Variants in SERPINA9 observed in about 807,000 individuals in gnomAD.
The protein encoded by SERPINA9 is serpin A9.
In SERPINA9, 32 loss-of-function variants were observed where a neutral mutation model predicts 24.5. That is an observed-to-expected ratio of 1.30 (90% CI 0.98 to 1.75). The LOEUF (loss-of-function observed/expected upper bound fraction) is 1.75, where lower values mean the gene tolerates loss of function less well. SERPINA9 is among the 40% of genes most tolerant of loss of function. The pLI is 0.00. For missense variants in SERPINA9, 594 were observed against 497.1 expected, an observed-to-expected ratio of 1.19 and a Z score of -1.85; for synonymous variants, 233 against 197.7, an observed-to-expected ratio of 1.18 and a Z score of -1.50.
At chr14:94,470,560 A>C (rs1899262376) in intron 1 of SERPINA9, among the ~76,000 whole-genome samples, 1 of 152,214 alleles carries the variant, frequency 6.6e-6, no homozygotes, top group Admixed American at 6.5e-5. Flanking sequence ...AAACCCCAAC[A>C]GGGCTGGGCT....
Position 94,469,257 on chromosome 14 carries a change from T to C in SERPINA9, c.584A>G (p.Asp195Gly), listed in dbSNP as rs1458366826. The change falls in exon 2 of 5, where the codon GAC becomes GGC. Residue 195 changes from aspartate (D) to glycine (G), a missense_variant. Physicochemically the swap from Asp to Gly is moderately conservative, Grantham distance 94. Coordinates refer to ENST00000674397, the MANE Select transcript of SERPINA9 (RefSeq NM_175739.4). ...GKVVDIIQGL[D>G]LLTAMVLVNH... The stretch of plus-strand genomic sequence containing the variant: ...CACCAGAACCATGGCCGTCAGAAGG[T>C]CAAGGCCTTGGATTATGTCTACAAC... The C allele has an allele frequency of 2.5e-6, 4 of 1,614,088 alleles. No homozygotes were observed. Among genetic ancestry groups the C allele is most frequent in the Non-Finnish European group, 3.4e-6 (4 of 1,180,020 alleles).
In SERPINA9 at chr14:94,469,508, G is replaced by A. The variant is rs375058481; in HGVS notation, c.333C>T (p.His111=). Residue 111 remains histidine, a synonymous_variant, in exon 2 of 5, where the codon CAC becomes CAT. Coordinates refer to ENST00000674397, the MANE Select transcript of SERPINA9 (RefSeq NM_175739.4). ...AGTGAACCAGGTGCTGGAAGCCCTG[G>A]TGGATGGCAGACTCTGGTGTGTGTG... ...NLTHTPESAI[H]QGFQHLVHSL... is the part of the protein sequence containing the mutation. 1.3e-4 allele frequency: 213 copies of A among 1,614,200 alleles called. 3 individuals are homozygous for A. The Middle Eastern group carries it at 1.8e-3, about 14-fold the overall frequency.
At chr14:94,469,014 A>G (rs1419454496) in intron 2 of SERPINA9, among the ~76,000 whole-genome samples, 199 bp downstream of exon 2, 1 of 152,178 alleles carries the variant, frequency 6.6e-6, no homozygotes, top group Non-Finnish European at 1.5e-5. Flanking sequence ...AGAGAACTAA[A>G]TGAGTCCCTA....
intron 1 of SERPINA9, among the ~76,000 whole-genome samples, chr14:94,470,965 C>A (rs770791390): frequency 2.6e-5 from 4 of 152,140 alleles, no homozygotes; most frequent in Admixed American, 6.5e-5. Context: ...GTGTATGAAT[C>A]CAATGCAAGG....
In SERPINA9 at chr14:94,469,627, GGGA is replaced by G. The variant is rs1170367842; in HGVS notation, c.211_213del (p.Ser71del). 1 of 1,614,010 alleles carries G rather than the reference GGGA, an allele frequency of 6.2e-7. No homozygotes were observed. The highest frequency in any genetic ancestry group is 1.7e-5 in the Admixed American group (1 of 59,994). ...GCCAGGGAAGTGGAGACACTCACAGGGGAGAAGAAGATGTTCTGACTCGGGGTC... is the reference window on the plus strand; with the variant it reads ...GCCAGGGAAGTGGAGACACTCACAGGGAAGAAGATGTTCTGACTCGGGGTC... On this transcript the variant is annotated inframe_deletion, in exon 2 of 5. Transcript: ENST00000674397.
At chr14:94,475,921 T>G (rs186266539) in intron 1 of SERPINA9, 1 of 614,076 alleles carries the variant, frequency 1.6e-6, no homozygotes. Context: ...TCTGTGGCCT[T>G]ACCTCCAACT....
At position 94,464,584 on chromosome 14, in the gene SERPINA9, C is replaced by T. The variant is rs567752857; in HGVS notation, c.1050+123G>A. 239 of 792,472 alleles carry T rather than the reference C, an allele frequency of 3.0e-4. 1 individual carries two copies. The highest frequency in any genetic ancestry group is 2.7e-3 in the African/African-American group (156 of 57,810). The allele number at this position is 792,472 out of a possible 1,614,324, so 49.1% of individuals were successfully genotyped here. The stretch of plus-strand genomic sequence containing the variant: ...GGCCGCAAGATTCGGTTCTTCTGGC[C>T]GCAGAAGACCCTGACTTCACCTTTC... On this transcript the variant is annotated intron_variant, in intron 4 of 4. Transcript: ENST00000674397.
chr14:94,474,637 C>T (rs554554685), intron 1 of SERPINA9, among the ~76,000 whole-genome samples: 1 of 152,214 alleles, frequency 6.6e-6, no homozygotes, highest in Non-Finnish European at 1.5e-5. Context: ...CACCCCTTCT[C>T]TCTCCCAGCC....
intron 1 of SERPINA9, 182 bp downstream of exon 1, chr14:94,475,954 T>C: frequency 1.3e-6 from 1 of 790,890 alleles, no homozygotes; most frequent in East Asian, 2.5e-5. Flanking sequence ...CACTCCAGCC[T>C]GGCTTCTGTA....
Position 94,469,450 on chromosome 14 carries a change from T to C in SERPINA9, c.391A>G (p.Lys131Glu), listed in dbSNP as rs770601864. 6.2e-7 allele frequency: 1 copy of C among 1,614,206 alleles called. No homozygotes were observed. The highest frequency in any genetic ancestry group is 8.5e-7 in the Non-Finnish European group (1 of 1,180,034). The change falls in exon 2 of 5, where the codon AAG (lysine) becomes GAG (glutamate). Residue 131 changes from lysine (K) to glutamate (E), a missense_variant. Lys to Glu is a moderately conservative substitution (Grantham distance 56). Coordinates refer to ENST00000674397, the MANE Select transcript of SERPINA9 (RefSeq NM_175739.4). Reference sequence around the variant, plus strand: ...TTGACGAAGAGGGCACTTCCCATCTTCAAGGTCAGGTCTTTGCTGGGAACA... The same window carrying C: ...TTGACGAAGAGGGCACTTCCCATCTCCAAGGTCAGGTCTTTGCTGGGAACA... ...LTVPSKDLTLKMGSALFVKKE... is the reference protein window; with the variant it reads ...LTVPSKDLTLEMGSALFVKKE...
chr14:94,467,092 T>C lies in SERPINA9; in HGVS notation c.902+17A>G. ...ATCCCCTGCCTCAGGGCCCAGGAGA[T>C]TGACACAGATGCCCACCTTTTCTGG... is the stretch of plus-strand genomic sequence containing the variant. On this transcript the variant is annotated intron_variant, in intron 3 of 4. Transcript: ENST00000674397. 5.0e-6 allele frequency: 8 copies of C among 1,610,318 alleles called. No homozygotes were observed. The highest frequency in any genetic ancestry group is 6.8e-6 in the Non-Finnish European group (8 of 1,177,902).
intron 3 of SERPINA9, among the ~76,000 whole-genome samples, chr14:94,466,837 A>G (rs28412740): frequency 0.28 from 42,807 of 152,144 alleles, 6,440 homozygotes; most frequent in East Asian, 0.43. Context: ...CTCTGCAAGC[A>G]TATAACAGCT....
chr14:94,474,685 G>A (rs1899494906), intron 1 of SERPINA9, among the ~76,000 whole-genome samples: 1 of 152,152 alleles, frequency 6.6e-6, no homozygotes, highest in African/African-American at 2.4e-5. Context: ...CTGTGGCCCG[G>A]GTTTATGTGA....
intron 1 of SERPINA9, among the ~76,000 whole-genome samples, chr14:94,475,350 T>G (rs1899541636): frequency 6.6e-6 from 1 of 152,068 alleles, no homozygotes; most frequent in Admixed American, 6.5e-5. Flanking sequence ...TCCTTAACCT[T>G]TTTATTCCAG....
chr14:94,474,491 G>C (rs538473268), intron 1 of SERPINA9, among the ~76,000 whole-genome samples: 1 of 152,148 alleles, frequency 6.6e-6, no homozygotes, highest in Non-Finnish European at 1.5e-5. Flanking sequence ...CTGAGTCTGG[G>C]ATCTATGTCT....
At chr14:94,469,179 TA>T (rs748191543) in intron 2 of SERPINA9, 33 bp downstream of exon 2, 21 of 1,554,744 alleles carry the variant, frequency 1.4e-5, no homozygotes, top group East Asian at 5.5e-5. Flanking sequence ...CATCATAAAA[TA>T]AATAAATAAA....
chr14:94,475,024 G>T (rs75592453), intron 1 of SERPINA9, among the ~76,000 whole-genome samples: 3 of 152,156 alleles, frequency 2.0e-5, no homozygotes, highest in East Asian at 1.9e-4. Context: ...GGACCCAGCT[G>T]TTTGCATTCC....
At chr14:94,475,659 C>A (rs545218272) in intron 1 of SERPINA9, among the ~76,000 whole-genome samples, 1 of 152,268 alleles carries the variant, frequency 6.6e-6, no homozygotes, top group East Asian at 1.9e-4. Flanking sequence ...CTTCCTGGGC[C>A]TTAGAAAGTA....
Position 94,467,377 on chromosome 14 carries a change from AC to A in SERPINA9, c.633del (p.Lys211AsnfsTer29). On this transcript the variant is annotated frameshift_variant, in exon 3 of 5. Transcript: ENST00000674397. LOFTEE classifies it high-confidence loss of function. ...VLVNHIFFKA[K>X]WEKPFHPEYT... The stretch of plus-strand genomic sequence containing the variant: ...TATTCAGGGTGAAAGGGCTTCTCCC[AC>A]TTGGCTAGCACAAAGAGAGAAAAGA... The A allele has an allele frequency of 2.5e-6, 4 of 1,604,154 alleles. No homozygotes were observed. The highest frequency in any genetic ancestry group is 3.4e-6 in the Non-Finnish European group (4 of 1,172,706).
Sources: gnomAD v4.1 joint callset for allele counts (sites outside exome capture counted in the v4.1 genomes callset) on GRCh38, gnomAD v4.1.1 for gene constraint, MANE v1.5 for transcripts, NCBI Gene and HGNC (gene_info 2026-07-23, HGNC 2026-07-21) for gene names.